WDFY1: variants seen among roughly 807,000 people sequenced by gnomAD.
The protein encoded by WDFY1 is WD repeat and FYVE domain-containing protein 1.
In WDFY1, 32 loss-of-function variants were observed where a neutral mutation model predicts 56.4. The observed-to-expected ratio is 0.57, with a 90% CI of 0.43 to 0.76. The LOEUF (loss-of-function observed/expected upper bound fraction) is 0.76, where lower values mean the gene tolerates loss of function less well. Among genes scored for constraint, WDFY1 ranks in the 30% least tolerant of loss-of-function variants. The pLI is 0.00. For synonymous variants in WDFY1, 192 were observed against 197.3 expected (o/e 0.97, Z 0.23); for missense variants, 480 against 545.7 (o/e 0.88, Z 1.20).
At chr2:223,945,036 C>T in intron 1 of WDFY1, 112 bp downstream of exon 1, 1 of 1,260,036 alleles carries the variant, frequency 7.9e-7, no homozygotes, top group African/African-American at 1.6e-5. Flanking sequence ...GGGGTGGGGC[C>T]GTGCTGCCGG....
At chr2:223,906,050 A>C (rs1337599568) in intron 3 of WDFY1, 49 bp from the exon 4 acceptor site, 1 of 1,412,174 alleles carries the variant, frequency 7.1e-7, no homozygotes, top group South Asian at 1.3e-5. Context: ...ATGGTTTTAA[A>C]AAACAACAGA....
rs1461846703 is a variant in WDFY1 at position 223,906,009 on chromosome 2, C to T, written c.280-8G>A. ...TTCAGAAACGTGAAATTCCTAAAAG[C>T]AAATGCACAAAATAAAAAATTAAAA... On this transcript the variant is annotated splice_polypyrimidine_tract_variant and splice_region_variant and intron_variant, in intron 3 of 11. Coordinates refer to ENST00000233055, the MANE Select transcript of WDFY1 (RefSeq NM_020830.5). The T allele has an allele frequency of 6.5e-7, 1 of 1,548,790 alleles. No individual in the cohort carries two copies. The highest frequency in any genetic ancestry group is 2.3e-5 in the East Asian group (1 of 44,182).
intron 8 of WDFY1, among the ~76,000 whole-genome samples, chr2:223,893,004 T>C (rs1004493521): frequency 6.6e-6 from 1 of 152,182 alleles, no homozygotes. Flanking sequence ...ACATCGTAAG[T>C]TGTAGATGTC....
chr2:223,884,525 T>G, intron 9 of WDFY1, 123 bp downstream of exon 9: 1 of 874,876 alleles, frequency 1.1e-6, no homozygotes, highest in Non-Finnish European at 1.9e-6. Context: ...GATAAAGACA[T>G]AGAAAATGTA....
intron 4 of WDFY1, among the ~76,000 whole-genome samples, chr2:223,905,632 ACACT>A (rs1307247495): frequency 3.9e-5 from 6 of 152,238 alleles, no homozygotes; most frequent in South Asian, 4.1e-4. Flanking sequence ...AAAAAATTGT[ACACT>A]CAGTTATATA....
chr2:223,886,136 G>A (rs1407183065), intron 8 of WDFY1, among the ~76,000 whole-genome samples: 2 of 151,926 alleles, frequency 1.3e-5, no homozygotes, highest in Non-Finnish European at 2.9e-5. Context: ...CTGAGGTCAG[G>A]AGTTCAAGCC....
chr2:223,905,911 T>C, intron 4 of WDFY1, 36 bp downstream of exon 4: 1 of 1,427,428 alleles, frequency 7.0e-7, no homozygotes, highest in Non-Finnish European at 9.5e-7. Flanking sequence ...TATGTCTACA[T>C]GTATGTGTAC....
At chr2:223,934,072 T>C (rs1694126691) in intron 1 of WDFY1, among the ~76,000 whole-genome samples, 1 of 110,552 alleles carries the variant, frequency 9.0e-6, no homozygotes, top group Admixed American at 1.1e-4. Flanking sequence ...ATAGCAGCCT[T>C]TTTCTTTTCT....
intron 6 of WDFY1, among the ~76,000 whole-genome samples, chr2:223,897,325 T>C (rs2106079746): frequency 6.8e-6 from 1 of 147,790 alleles, no homozygotes; most frequent in East Asian, 2.0e-4. Context: ...TGACATAGTT[T>C]AGACATGTGT....
Position 223,897,375 on chromosome 2 carries a change from TATATA to T in WDFY1, c.598+1578_598+1582del, listed in dbSNP as rs1261397778. 6.3e-3 allele frequency among the ~76,000 whole-genome samples: 122 copies of T among 19,304 alleles called. 3 individuals carry two copies. The highest frequency in any genetic ancestry group is 0.024 in the South Asian group (7 of 290). 12.7% of individuals were successfully genotyped at this position (19,304 alleles called of 152,430 possible). A position where few individuals can be genotyped will look rare whatever the true frequency, so the allele number is the denominator to read the frequency against. ...GCATATATATATATATATATATATATATATATATATATATATTTTTTAAGACGGAG... is the reference window on the plus strand; with the variant it reads ...GCATATATATATATATATATATATATTATATATATATTTTTTAAGACGGAG... On this transcript the variant is annotated intron_variant, in intron 6 of 11. Coordinates refer to ENST00000233055, the MANE Select transcript of WDFY1 (RefSeq NM_020830.5).
intron 5 of WDFY1, among the ~76,000 whole-genome samples, chr2:223,900,453 T>G (rs903685865): frequency 2.0e-5 from 3 of 152,222 alleles, no homozygotes; most frequent in Non-Finnish European, 4.4e-5. Context: ...CTGCCTGTTG[T>G]TGATAACCTT....
intron 1 of WDFY1, among the ~76,000 whole-genome samples, chr2:223,933,984 C>G (rs1694125483): frequency 1.2e-4 from 8 of 64,530 alleles, no homozygotes. Context: ...AAAAAAAAGT[C>G]TCGAACCCTA....
intron 1 of WDFY1, among the ~76,000 whole-genome samples, chr2:223,935,210 T>G (rs1431130274): frequency 6.6e-6 from 1 of 152,118 alleles, no homozygotes. Flanking sequence ...TGGACTCTAC[T>G]GACGCTAAGT....
At chr2:223,902,197 T>C (rs936255259) in intron 4 of WDFY1, among the ~76,000 whole-genome samples, 4 of 152,244 alleles carry the variant, frequency 2.6e-5, no homozygotes, top group Non-Finnish European at 4.4e-5. Context: ...CATCCACTGC[T>C]AAAAGGTTAC....
In WDFY1 at chr2:223,884,514, T is replaced by C. The variant is rs183353860; in HGVS notation, c.933+134A>G. ...GTCTTCCTCATTGTTAGTCACACAA[T>C]GATAAAGACATAGAAAATGTAGGAA... On this transcript the variant is annotated intron_variant, in intron 9 of 11. Coordinates refer to ENST00000233055, the MANE Select transcript of WDFY1 (RefSeq NM_020830.5). 443 of 811,180 alleles carry C rather than the reference T, an allele frequency of 5.5e-4. 1 individual carries two copies. The African/African-American group carries it at 6.8e-3, about 13-fold the overall frequency. The allele number at this position is 811,180 out of a possible 1,614,324, so 50.2% of individuals were successfully genotyped here. A position where few individuals can be genotyped will look rare whatever the true frequency, so the allele number is the denominator to read the frequency against.
At chr2:223,918,485 A>G (rs669112) in intron 1 of WDFY1, among the ~76,000 whole-genome samples, 131,416 of 151,990 alleles carry the variant, frequency 0.86, 57,282 homozygotes, top group Non-Finnish European at 0.93. Context: ...AAAACATTTA[A>G]CTGGGCATGG....
At chr2:223,939,687 T>C (rs757509216) in intron 1 of WDFY1, among the ~76,000 whole-genome samples, 10 of 152,144 alleles carry the variant, frequency 6.6e-5, no homozygotes, top group African/African-American at 9.7e-5. Flanking sequence ...ACGAGAACAG[T>C]ATGGGGGAAA....
chr2:223,931,994 C>G (rs1345103993), intron 1 of WDFY1, among the ~76,000 whole-genome samples: 1 of 147,498 alleles, frequency 6.8e-6, no homozygotes, highest in Non-Finnish European at 1.5e-5. Context: ...CCTAATTGGT[C>G]TAATTTTTTT....
In WDFY1 at chr2:223,897,315, T is replaced by C. The variant is rs1693397661; in HGVS notation, c.598+1643A>G. ...CTGCAATCCATTACAGCTTAGCATC[T>C]GACATAGTTTAGACATGTGTCCCCT... On this transcript the variant is annotated intron_variant, in intron 6 of 11. Transcript: ENST00000233055. Among the ~76,000 whole-genome samples, 7 of 148,936 alleles carry C rather than the reference T, an allele frequency of 4.7e-5. No homozygotes were observed. The South Asian group carries it at 1.5e-3, about 31-fold the overall frequency.
Sources: gnomAD v4.1 joint callset for allele counts (sites outside exome capture counted in the v4.1 genomes callset) on GRCh38, gnomAD v4.1.1 for gene constraint, MANE v1.5 for transcripts, NCBI Gene and HGNC (gene_info 2026-07-23, HGNC 2026-07-21) for gene names.